Variants in RIC8B observed in about 807,000 individuals in gnomAD.
The protein encoded by RIC8B is chaperone Ric-8B.
A neutral mutation model predicts 57.5 loss-of-function variants in RIC8B; 16 were observed. The observed-to-expected ratio is 0.28, with a 90% CI of 0.19 to 0.42. RIC8B has a LOEUF of 0.42. Ranked by LOEUF, RIC8B falls within the 10% of genes least tolerant of loss-of-function variation. RIC8B has a pLI of 1.00. For missense variants in RIC8B, 481 were observed against 677.0 expected (o/e 0.71, Z 3.21); for synonymous variants, 216 against 250.8 (o/e 0.86, Z 1.31).
At chr12:106,796,181 G>C (rs2044473019) in intron 2 of RIC8B, among the ~76,000 whole-genome samples, 1 of 152,138 alleles carries the variant, frequency 6.6e-6, no homozygotes, top group Non-Finnish European at 1.5e-5. Flanking sequence ...TTTTGACACA[G>C]AGTAGTCAAA....
At chr12:106,798,365 A>AG (rs2044582080) in intron 2 of RIC8B, among the ~76,000 whole-genome samples, 1 of 152,092 alleles carries the variant, frequency 6.6e-6, no homozygotes, top group South Asian at 2.1e-4. Context: ...AGATAAAAAA[A>AG]CTAGAGGTTG....
Position 106,887,192 on chromosome 12 carries a change from G to A in RIC8B, c.*1177G>A, listed in dbSNP as rs1429976663. On this transcript the variant is annotated 3_prime_UTR_variant, in exon 10 of 10. Coordinates refer to ENST00000392837, the MANE Select transcript of RIC8B (RefSeq NM_001330145.2). ...TATATATATGTATGTATATACACACGTACATACATTCATATATATACATAT... is the reference window on the plus strand; with the variant it reads ...TATATATATGTATGTATATACACACATACATACATTCATATATATACATAT... The A allele has an allele frequency of 1.3e-5, 2 of 152,352 alleles. No individual in the cohort carries two copies. The highest frequency in any genetic ancestry group is 2.9e-5 in the Non-Finnish European group (2 of 67,978). The allele number at this position is 152,352 out of a possible 1,614,324, so 9.4% of individuals were successfully genotyped here. A position where few individuals can be genotyped will look rare whatever the true frequency, so the allele number is the denominator to read the frequency against.
chr12:106,878,779 CAG>C lies in RIC8B; in HGVS notation c.1572-7121_1572-7120del, dbSNP rs763873939. ...AAATAGCAGCCGCCCTCATTAAAAA[CAG>C]AGAATTAATCAGGGGGTGATTGAAG... On this transcript the variant is annotated intron_variant, in intron 9 of 9. Coordinates refer to ENST00000392837, the MANE Select transcript of RIC8B (RefSeq NM_001330145.2). Among the ~76,000 whole-genome samples, 13 of 152,044 alleles carry C rather than the reference CAG, an allele frequency of 8.6e-5. No homozygotes were observed. The South Asian group carries it at 1.4e-3, about 17-fold the overall frequency.
chr12:106,825,626 G>T, intron 3 of RIC8B, 100 bp from the exon 4 acceptor site: 1 of 793,334 alleles, frequency 1.3e-6, no homozygotes, highest in East Asian at 2.6e-5. Flanking sequence ...TATGGTATAA[G>T]AATGCTTGTT....
At chr12:106,794,152 A>G (rs1378055495) in intron 2 of RIC8B, among the ~76,000 whole-genome samples, 1 of 152,250 alleles carries the variant, frequency 6.6e-6, no homozygotes, top group African/African-American at 2.4e-5. Flanking sequence ...AGTTGAATAA[A>G]GTACAATAAC....
chr12:106,866,270 GAATT>G (rs988638533), intron 8 of RIC8B, among the ~76,000 whole-genome samples: 1 of 152,052 alleles, frequency 6.6e-6, no homozygotes, highest in Non-Finnish European at 1.5e-5. Context: ...TTGAATGAAT[GAATT>G]TTTTGAGTTA....
chr12:106,820,062 A>G (rs921992600), intron 3 of RIC8B, among the ~76,000 whole-genome samples: 1 of 152,198 alleles, frequency 6.6e-6, no homozygotes, highest in African/African-American at 2.4e-5. Flanking sequence ...TACCTTTTCA[A>G]ACCCTGGGCA....
At chr12:106,803,192 A>G (rs2044823079) in intron 2 of RIC8B, among the ~76,000 whole-genome samples, 1 of 141,338 alleles carries the variant, frequency 7.1e-6, no homozygotes, top group Admixed American at 7.6e-5. Flanking sequence ...AGCCTGGGTG[A>G]CAAGAGTGAT....
chr12:106,879,220 CTTGAA>C lies in RIC8B; in HGVS notation c.1572-6677_1572-6673del, dbSNP rs1447888178. On this transcript the variant is annotated intron_variant, in intron 9 of 9. Transcript: ENST00000392837. The surrounding 1 kb of genome is among the most constrained non-coding windows in gnomAD (Gnocchi z 4.9). ...TATGTCCTGTTTTTCAACAAGTACACTTGAATTGAATGTTTTGTTTGTATTGCACA... is the reference window on the plus strand; with the variant it reads ...TATGTCCTGTTTTTCAACAAGTACACTTGAATGTTTTGTTTGTATTGCACA... 3.4e-5 allele frequency: 34 copies of C among 985,662 alleles called. No homozygotes were observed. The highest frequency in any genetic ancestry group is 9.4e-5 in the South Asian group (2 of 21,284). The allele number at this position is 985,662 out of a possible 1,614,324, so 61.1% of individuals were successfully genotyped here. A position where few individuals can be genotyped will look rare whatever the true frequency, so the allele number is the denominator to read the frequency against.
At chr12:106,804,657 T>C (rs1216004) in intron 2 of RIC8B, among the ~76,000 whole-genome samples, 130,581 of 152,294 alleles carry the variant, frequency 0.86, 56,554 homozygotes, top group East Asian at 1. Flanking sequence ...GATGTCATAC[T>C]TAGTATGTAT....
intron 3 of RIC8B, among the ~76,000 whole-genome samples, chr12:106,818,570 C>T (rs1255346758): frequency 6.6e-6 from 1 of 152,152 alleles, no homozygotes; most frequent in Non-Finnish European, 1.5e-5. Context: ...AAGCCGTCCT[C>T]CTGAGTAGCT....
At position 106,842,457 on chromosome 12, in the gene RIC8B, TA is replaced by T; in HGVS notation, c.837-130del. 5 of 659,720 alleles carry T rather than the reference TA, an allele frequency of 7.6e-6. No individual in the cohort carries two copies. The South Asian group carries it at 1.0e-4, about 13-fold the overall frequency. The allele number at this position is 659,720 out of a possible 1,614,324, so 40.9% of individuals were successfully genotyped here. ...TCTCATAGTAAGTGTCAAGTGTCCA[TA>T]ATGGCTCATTTTTGGAAAAGAAATA... On this transcript the variant is annotated intron_variant, in intron 4 of 9. Transcript: ENST00000392837.
intron 8 of RIC8B, 34 bp downstream of exon 8, chr12:106,860,446 G>C: frequency 7.0e-7 from 1 of 1,424,648 alleles, no homozygotes. Context: ...CCTAACTATG[G>C]CTGTGCCTTT....
intron 3 of RIC8B, among the ~76,000 whole-genome samples, chr12:106,817,410 A>C (rs2045620025): frequency 1.3e-5 from 2 of 152,338 alleles, no homozygotes; most frequent in African/African-American, 4.8e-5. Flanking sequence ...AGCCATTTGA[A>C]AAACCGGGGG....
intron 5 of RIC8B, 39 bp downstream of exon 5, chr12:106,842,856 C>T (rs745334138): frequency 7.7e-7 from 1 of 1,299,864 alleles, no homozygotes; most frequent in Non-Finnish European, 1.1e-6. Flanking sequence ...AAGATGCTTC[C>T]AAAGAATGTA....
chr12:106,821,090 GCT>G (rs2045819966), intron 3 of RIC8B, among the ~76,000 whole-genome samples: 2 of 152,210 alleles, frequency 1.3e-5, no homozygotes, highest in Admixed American at 6.5e-5. Flanking sequence ...TTTGTATAAT[GCT>G]ATGGAAAAAG....
rs562040906 is a variant in RIC8B, at chr12:106,819,762, G to A, written c.741+4458G>A. Among the ~76,000 whole-genome samples the A allele has an allele frequency of 4.1e-5, 6 of 144,880 alleles. No individual in the cohort carries two copies. The South Asian group carries it at 1.1e-3, about 26-fold the overall frequency. Reference sequence around the variant, plus strand: ...AAAAAAAAAAAAAAAAAGAGGAGGAGGAATACTCATAAGTATATAATATAT... The same window carrying A: ...AAAAAAAAAAAAAAAAAGAGGAGGAAGAATACTCATAAGTATATAATATAT... On this transcript the variant is annotated intron_variant, in intron 3 of 9. Transcript: ENST00000392837.
chr12:106,868,217 T>G (rs529348906), intron 8 of RIC8B: 1 of 445,270 alleles, frequency 2.2e-6, no homozygotes, highest in Non-Finnish European at 4.5e-6. Flanking sequence ...CCTGATTTCA[T>G]TTTTTTCCCT....
At chr12:106,833,753 G>A (rs1474003039) in intron 4 of RIC8B, among the ~76,000 whole-genome samples, 1 of 151,892 alleles carries the variant, frequency 6.6e-6, no homozygotes, top group Admixed American at 6.6e-5. Flanking sequence ...TGGATATTTT[G>A]TCCCCACCAA....
Sources: allele counts gnomAD v4.1 joint callset (sites outside exome capture counted in the v4.1 genomes callset), GRCh38; gene constraint gnomAD v4.1.1; non-coding constraint Gnocchi (gnomAD v3.1); transcripts MANE v1.5; gene names NCBI Gene and HGNC (gene_info 2026-07-23, HGNC 2026-07-21).